The following OSBPL8 variants were observed in gnomAD, a reference collection of about 807,000 sequenced individuals.
The protein encoded by OSBPL8 is oxysterol binding protein like 8.
Under a neutral mutation model 125.5 loss-of-function variants are expected in OSBPL8, and 59 were observed. That is an observed-to-expected ratio of 0.47 (90% CI 0.38 to 0.58). The LOEUF (loss-of-function observed/expected upper bound fraction) is 0.58, where lower values mean the gene tolerates loss of function less well. OSBPL8 is among the 20% of genes least tolerant of loss of function. The probability of loss-of-function intolerance (pLI) is 0.00; values close to 1 mark genes in which losing one functional copy is unlikely to be tolerated. For synonymous variants in OSBPL8, 330 were observed against 338.9 expected, an observed-to-expected ratio of 0.97 and a Z score of 0.29; for missense variants, 758 against 1,047.8, an observed-to-expected ratio of 0.72 and a Z score of 3.82.
intron 1 of OSBPL8, among the ~76,000 whole-genome samples, chr12:76,506,133 T>A (rs527803781): frequency 6.6e-6 from 1 of 152,144 alleles, no homozygotes; most frequent in Non-Finnish European, 1.5e-5. Flanking sequence ...GTAAATTTTT[T>A]AAAAAAGAGA....
intron 1 of OSBPL8, among the ~76,000 whole-genome samples, chr12:76,520,226 TAA>T (rs1181010481): frequency 6.6e-6 from 1 of 152,136 alleles, no homozygotes; most frequent in Non-Finnish European, 1.5e-5. Context: ...CTAGTTCCTT[TAA>T]AAAACAAAAA....
At chr12:76,390,745 G>T (rs1953525002) in intron 10 of OSBPL8, 88 bp from the exon 11 acceptor site, 1 of 800,806 alleles carries the variant, frequency 1.2e-6, no homozygotes, top group Non-Finnish European at 2.0e-6. Flanking sequence ...CATTTATTGA[G>T]AATTTACTAT....
chr12:76,382,350 TTG>T (rs529629572), intron 15 of OSBPL8, among the ~76,000 whole-genome samples: 1 of 151,914 alleles, frequency 6.6e-6, no homozygotes, highest in South Asian at 2.1e-4. Context: ...CGATTTTTCT[TTG>T]TGTGTGTGTG....
At chr12:76,368,496 T>A (rs957371691) in intron 21 of OSBPL8, among the ~76,000 whole-genome samples, 32 of 152,218 alleles carry the variant, frequency 2.1e-4, no homozygotes, top group Admixed American at 3.9e-4. Flanking sequence ...CATTTTTCTG[T>A]CTTCTCTTTG....
intron 11 of OSBPL8, 88 bp from the exon 12 acceptor site, chr12:76,389,917 C>T: frequency 1.0e-6 from 1 of 956,006 alleles, no homozygotes. Flanking sequence ...AATATGAACT[C>T]TTCTCAGGAC....
intron 4 of OSBPL8, among the ~76,000 whole-genome samples, chr12:76,424,484 G>A (rs1869901295): frequency 1.3e-5 from 2 of 152,030 alleles, no homozygotes; most frequent in South Asian, 2.1e-4. Context: ...ATTATTAACT[G>A]TAGACAACAA....
chr12:76,505,916 G>A (rs1880367105), intron 1 of OSBPL8, among the ~76,000 whole-genome samples: 1 of 152,306 alleles, frequency 6.6e-6, no homozygotes, highest in South Asian at 2.1e-4. Flanking sequence ...GGAAAGCTGA[G>A]AAATGATAAG....
intron 4 of OSBPL8, among the ~76,000 whole-genome samples, chr12:76,442,136 T>C (rs1872260690): frequency 6.6e-6 from 1 of 152,204 alleles, no homozygotes; most frequent in Non-Finnish European, 1.5e-5. Flanking sequence ...ACCTTTCTGC[T>C]TTGTTAAAGA....
intron 2 of OSBPL8, among the ~76,000 whole-genome samples, chr12:76,475,299 T>A (rs1876669276): frequency 6.6e-6 from 1 of 152,196 alleles, no homozygotes; most frequent in African/African-American, 2.4e-5. Flanking sequence ...AAAACCTTCA[T>A]ATGTTTAAAA....
At chr12:76,460,316 T>C (rs1381557059) in intron 2 of OSBPL8, among the ~76,000 whole-genome samples, 1 of 152,152 alleles carries the variant, frequency 6.6e-6, no homozygotes, top group African/African-American at 2.4e-5. Flanking sequence ...ATAACACCCA[T>C]GCACTATTAA....
intron 3 of OSBPL8, among the ~76,000 whole-genome samples, chr12:76,457,203 G>T (rs150660390): frequency 1.3e-5 from 2 of 152,158 alleles, no homozygotes; most frequent in Admixed American, 1.3e-4. Flanking sequence ...GTAATAACAG[G>T]AAGTGGTTAG....
intron 4 of OSBPL8, among the ~76,000 whole-genome samples, chr12:76,448,928 G>T (rs774914703): frequency 3.9e-5 from 6 of 152,108 alleles, no homozygotes; most frequent in African/African-American, 1.2e-4. Context: ...CAGGAGAATC[G>T]CTTGAACCCG....
chr12:76,376,154 G>A (rs943593787), intron 16 of OSBPL8, among the ~76,000 whole-genome samples: 1 of 152,196 alleles, frequency 6.6e-6, no homozygotes, highest in Non-Finnish European at 1.5e-5. Context: ...GTGACTTTAT[G>A]TAACATAACT....
chr12:76,404,033 G>A (rs768554308), intron 5 of OSBPL8, among the ~76,000 whole-genome samples: 3 of 152,134 alleles, frequency 2.0e-5, no homozygotes, highest in Non-Finnish European at 2.9e-5. Context: ...GGTATTAACT[G>A]GCTGAACCAG....
At chr12:76,461,079 TACAA>T (rs1466212986) in intron 2 of OSBPL8, among the ~76,000 whole-genome samples, 7 of 152,226 alleles carry the variant, frequency 4.6e-5, no homozygotes, top group African/African-American at 7.2e-5. Context: ...CTTCTGGTTT[TACAA>T]ACAAACTAAA....
chr12:76,378,639 T>C (rs930688882), intron 15 of OSBPL8, 89 bp from the exon 16 acceptor site: 5 of 863,408 alleles, frequency 5.8e-6, no homozygotes, highest in African/African-American at 1.7e-5. Flanking sequence ...CTACCAGACA[T>C]CTACAGTAGA....
At chr12:76,421,265 T>G (rs1187385599) in intron 4 of OSBPL8, among the ~76,000 whole-genome samples, 4 of 152,038 alleles carry the variant, frequency 2.6e-5, no homozygotes, top group East Asian at 1.9e-4. Context: ...TATTTTGTAT[T>G]TGCAAAGCCA....
intron 1 of OSBPL8, among the ~76,000 whole-genome samples, chr12:76,550,670 G>A (rs550193371): frequency 6.6e-5 from 10 of 152,334 alleles, no homozygotes; most frequent in African/African-American, 2.2e-4. Flanking sequence ...GTCCTGGGCC[G>A]TGCGCAGCTC....
Position 76,365,199 on chromosome 12 carries a change from C to T in OSBPL8, c.2328+4015G>A, listed in dbSNP as rs542026199. ...TCAAGCAGTCCCTCCGCCTCGGCCTCCCAAAGTGCTGAGGTTACAGGCATG... is the reference window on the plus strand; with the variant it reads ...TCAAGCAGTCCCTCCGCCTCGGCCTTCCAAAGTGCTGAGGTTACAGGCATG... On this transcript the variant is annotated intron_variant, in intron 21 of 23. Transcript: ENST00000261183. 3.3e-5 allele frequency among the ~76,000 whole-genome samples: 5 copies of T among 152,276 alleles called. No individual in the cohort carries two copies. In the South Asian group the frequency reaches 1.0e-3, roughly 32 times the overall value.
Sources: allele counts gnomAD v4.1 joint callset (sites outside exome capture counted in the v4.1 genomes callset), GRCh38; gene constraint gnomAD v4.1.1; transcripts MANE v1.5; gene names NCBI Gene and HGNC (gene_info 2026-07-23, HGNC 2026-07-21).